The following LCORL variants were observed in gnomAD, a reference collection of about 807,000 sequenced individuals.
LCORL encodes the protein ligand dependent nuclear receptor corepressor like, also known as ligand-dependent nuclear receptor corepressor-like protein.
A neutral mutation model predicts 141.8 loss-of-function variants in LCORL; 41 were observed. The ratio of observed to expected loss-of-function variants is 0.29; its 90% confidence interval spans 0.23 to 0.38. The LOEUF is 0.38. Among genes scored for constraint, LCORL ranks in the 10% least tolerant of loss-of-function variants. The pLI, the probability that LCORL is intolerant of heterozygous loss-of-function variation, is 1.00. For missense variants in LCORL, 1,759 were observed against 2,035.0 expected (o/e 0.86, Z 2.61); for synonymous variants, 618 against 694.1 (o/e 0.89, Z 1.72).
intron 1 of LCORL, among the ~76,000 whole-genome samples, chr4:17,997,980 TTTG>T (rs1278569607): frequency 2.0e-5 from 3 of 152,190 alleles, no homozygotes; most frequent in South Asian, 2.1e-4. Context: ...TTTGAGGTGA[TTTG>T]TTGTTGTTGT....
In LCORL at chr4:17,905,995, TG is replaced by T. The variant is rs368987844; in HGVS notation, c.682+3098del. Among the ~76,000 whole-genome samples the T allele has an allele frequency of 1.8e-4, 28 of 152,340 alleles. No homozygotes were observed. The East Asian group carries it at 2.7e-3, about 15-fold the overall frequency. On this transcript the variant is annotated intron_variant, in intron 5 of 7. Coordinates refer to ENST00000635767, the Ensembl canonical transcript of LCORL. ...GGTTTATACTTTCTATCATTGTTAA[TG>T]AAACTCTTCTAAAGTATATTATCAT...
At chr4:17,909,173 T>A in exon 5 of LCORL, 1 of 1,613,470 alleles carries the variant, frequency 6.2e-7, no homozygotes, top group Non-Finnish European at 8.5e-7. Flanking sequence ...GGGAGTTTTC[T>A]GCTTGATTCA....
At chr4:17,988,493 ACTTT>A (rs929419868) in intron 1 of LCORL, among the ~76,000 whole-genome samples, 1 of 151,958 alleles carries the variant, frequency 6.6e-6, no homozygotes, top group African/African-American at 2.4e-5. Context: ...TGTTTCTTTG[ACTTT>A]CTTTTTAGAC....
intron 1 of LCORL, among the ~76,000 whole-genome samples, chr4:17,973,951 T>C (rs1716458347): frequency 6.6e-6 from 1 of 152,016 alleles, no homozygotes; most frequent in Non-Finnish European, 1.5e-5. Flanking sequence ...ATCATGATAC[T>C]TGGTAAATAT....
intron 1 of LCORL, among the ~76,000 whole-genome samples, chr4:17,982,499 G>A (rs1020218361): frequency 9.9e-6 from 1 of 101,016 alleles, no homozygotes; most frequent in African/African-American, 3.7e-5. Context: ...TCTCACTGTG[G>A]TTTGATTTGC....
At chr4:17,984,191 T>C (rs2109740035) in intron 1 of LCORL, among the ~76,000 whole-genome samples, 1 of 152,310 alleles carries the variant, frequency 6.6e-6, no homozygotes, top group Non-Finnish European at 1.5e-5. Flanking sequence ...TGAGGATTTT[T>C]GCATCTATGT....
chr4:17,870,626 C>A (rs982110113), intron 7 of LCORL, among the ~76,000 whole-genome samples: 1 of 152,104 alleles, frequency 6.6e-6, no homozygotes, highest in African/African-American at 2.4e-5. Context: ...TGACTTTAAC[C>A]ATTCTATCCC....
At chr4:17,844,228 CAATTT>C (rs1343254769) in exon 8 of LCORL, 1 of 152,346 alleles carries the variant, frequency 6.6e-6, no homozygotes, top group Non-Finnish European at 1.5e-5. Flanking sequence ...TATTCACTGT[CAATTT>C]CATTTCTTGT....
At chr4:17,894,170 T>TA (rs1014544980) in intron 5 of LCORL, among the ~76,000 whole-genome samples, 9 of 152,040 alleles carry the variant, frequency 5.9e-5, no homozygotes, top group Non-Finnish European at 1.0e-4. Flanking sequence ...CCACTGTAAA[T>TA]AAAAAAATAT....
At chr4:17,883,083 T>C in intron 6 of LCORL, 1 of 971,454 alleles carries the variant, frequency 1.0e-6, no homozygotes. Context: ...AAATCAACTA[T>C]TAAATGATAA....
Position 17,883,547 on chromosome 4 carries a change from T to C in LCORL, c.776+2521A>G, listed in dbSNP as rs896822688. The C allele has an allele frequency of 2.3e-6, 3 of 1,330,402 alleles. No individual in the cohort carries two copies. The African/African-American group carries it at 4.4e-5, about 20-fold the overall frequency. The allele number at this position is 1,330,402 out of a possible 1,614,324, so 82.4% of individuals were successfully genotyped here. On this transcript the variant is annotated intron_variant, in intron 6 of 7. Coordinates refer to ENST00000635767, the Ensembl canonical transcript of LCORL. ...TGAAAACCCTGAATAAAACTTTTTT[T>C]CAAAAGGCATGTAAGTGGTTTTTGA...
intron 1 of LCORL, among the ~76,000 whole-genome samples, chr4:18,008,078 T>C (rs769394952): frequency 3.9e-5 from 6 of 152,222 alleles, no homozygotes; most frequent in Non-Finnish European, 5.9e-5. Flanking sequence ...TATTAATTCA[T>C]CTGCCATTCT....
chr4:17,908,964 T>C (rs910400177), intron 5 of LCORL, 130 bp downstream of exon 5: 10 of 812,172 alleles, frequency 1.2e-5, no homozygotes, highest in African/African-American at 1.7e-5. Context: ...CTCCAGCACA[T>C]ATTACATAAG....
intron 5 of LCORL, among the ~76,000 whole-genome samples, chr4:17,891,416 A>G (rs1269097735): frequency 6.6e-6 from 1 of 152,152 alleles, no homozygotes; most frequent in Non-Finnish European, 1.5e-5. Flanking sequence ...ACACTCTTCT[A>G]GGTATCTATT....
chr4:17,877,936 C>T lies in LCORL; in HGVS notation c.1054G>A (p.Glu352Lys), dbSNP rs1727092074. 7 of 1,230,600 alleles carry T rather than the reference C, an allele frequency of 5.7e-6. No individual in the cohort carries two copies. The East Asian group carries it at 1.9e-4, about 33-fold the overall frequency. 76.2% of individuals were successfully genotyped at this position (1,230,600 alleles called of 1,614,324 possible). A position where few individuals can be genotyped will look rare whatever the true frequency, so the allele number is the denominator to read the frequency against. The change falls in exon 7 of 8, where the codon GAA becomes AAA. Residue 352 changes from glutamate (E) to lysine (K), a missense_variant. This residue lies in a region of LCORL where 1,311 missense variants were observed against 1,531.3 expected (regional missense o/e 0.86). Coordinates refer to ENST00000635767, the Ensembl canonical transcript of LCORL. ...GGTTCTAAACCAGGGCTTTGTTTTT[C>T]GTTTTGTAAACAACCTCTTTCTGCC...
chr4:17,856,475 A>G (rs1462170130), intron 7 of LCORL, among the ~76,000 whole-genome samples: 1 of 152,172 alleles, frequency 6.6e-6, no homozygotes, highest in Non-Finnish European at 1.5e-5. Flanking sequence ...CTGGACCTTG[A>G]TCTTGGACCT....
At chr4:17,961,918 G>C in exon 4 of LCORL, 1 of 1,609,394 alleles carries the variant, frequency 6.2e-7, no homozygotes, top group African/African-American at 1.3e-5. Flanking sequence ...TTTCGAAAGA[G>C]TGCATTTAGG....
At chr4:17,956,048 GA>G (rs975491589) in intron 4 of LCORL, among the ~76,000 whole-genome samples, 1 of 152,016 alleles carries the variant, frequency 6.6e-6, no homozygotes, top group East Asian at 1.9e-4. Flanking sequence ...ACAGGCATAT[GA>G]AAAAAATGTT....
chr4:17,882,470 C>G (rs1441353120), intron 6 of LCORL: 23 of 984,410 alleles, frequency 2.3e-5, no homozygotes, highest in Non-Finnish European at 2.8e-5. Context: ...GTAAAAATGA[C>G]CAGTCTCTCT....
Sources: gnomAD v4.1 joint callset for allele counts (sites outside exome capture counted in the v4.1 genomes callset) on GRCh38, gnomAD v4.1.1 for gene constraint, gnomAD v4.1.1 regional missense constraint, MANE v1.5 for transcripts, NCBI Gene and HGNC (gene_info 2026-07-23, HGNC 2026-07-21) for gene names.